Variants in NANP observed in about 807,000 individuals in gnomAD.
The protein encoded by NANP is N-acylneuraminate-9-phosphatase.
Under a neutral mutation model 16.9 loss-of-function variants are expected in NANP, and 15 were observed. The observed-to-expected ratio is 0.89, with a 90% CI of 0.59 to 1.37. The LOEUF is 1.37. NANP is among the 40% of genes most tolerant of loss of function. NANP has a pLI of 0.00. For synonymous variants in NANP, 135 were observed against 112.6 expected, an observed-to-expected ratio of 1.20 and a Z score of -1.26; for missense variants, 290 against 303.5, an observed-to-expected ratio of 0.96 and a Z score of 0.33.
chr20:25,618,863 C>T (rs1227243294), intron 1 of NANP, among the ~76,000 whole-genome samples: 4 of 152,110 alleles, frequency 2.6e-5, no homozygotes, highest in South Asian at 2.1e-4. Context: ...GACCCCTTAA[C>T]GTGTATCCTG....
intron 1 of NANP, among the ~76,000 whole-genome samples, chr20:25,622,818 G>A (rs1378496502): frequency 2.6e-5 from 4 of 152,182 alleles, no homozygotes; most frequent in Non-Finnish European, 4.4e-5. Flanking sequence ...TAAATAGGAG[G>A]TAGAGACAAG....
intron 1 of NANP, among the ~76,000 whole-genome samples, chr20:25,619,427 G>C (rs1351704976): frequency 1.3e-5 from 2 of 151,598 alleles, no homozygotes; most frequent in South Asian, 2.1e-4. Flanking sequence ...TGGCTGAAAG[G>C]AAAATATTTT....
rs1021963564 is a variant in NANP at position 25,623,941 on chromosome 20, A to C, written c.8T>G (p.Leu3Arg). The C allele has an allele frequency of 3.1e-6, 5 of 1,612,732 alleles. No individual in the cohort carries two copies. The African/African-American group carries it at 6.7e-5, about 22-fold the overall frequency. Residue 3 changes from leucine (L) to arginine (R), a missense_variant, in exon 1 of 2, where the codon CTG (leucine) becomes CGG (arginine). Physicochemically the swap from Leu to Arg is moderately radical, Grantham distance 102. Coordinates refer to ENST00000304788, the MANE Select transcript of NANP (RefSeq NM_152667.3). MG[L>R]SRVRAVFFDL... ...AAAGAAAACCGCCCGCACGCGGCTC[A>C]GCCCCATAGCGCCGGCCGCTGGCGC...
rs1416834697 is a variant in NANP at position 25,623,708 on chromosome 20, C to A, written c.90+151G>T. 9.7e-6 allele frequency: 7 copies of A among 718,896 alleles called. No individual in the cohort carries two copies. In the East Asian group the frequency reaches 2.2e-4, roughly 23 times the overall value. 44.5% of individuals were successfully genotyped at this position (718,896 alleles called of 1,614,324 possible). ...ACCCGCAGGGCCCGCGCGCCTCCAG[C>A]CACCTCCGCACCCGCACGCTCCACA... On this transcript the variant is annotated intron_variant, in intron 1 of 1. Coordinates refer to ENST00000304788, the MANE Select transcript of NANP (RefSeq NM_152667.3).
chr20:25,615,876 TAC>T lies in NANP; in HGVS notation c.*47_*48del. On this transcript the variant is annotated 3_prime_UTR_variant, in exon 2 of 2. Transcript: ENST00000304788. ...GAGTGCCCTAACTTTTCTTATTTCA[TAC>T]TCAGCAAATTGATTCTAACATTCAT... 1 of 1,520,128 alleles carries T rather than the reference TAC, an allele frequency of 6.6e-7. No individual in the cohort carries two copies. The highest frequency in any genetic ancestry group is 1.3e-5 in the South Asian group (1 of 76,462). 94.2% of individuals were successfully genotyped at this position (1,520,128 alleles called of 1,614,324 possible). A position where few individuals can be genotyped will look rare whatever the true frequency, so the allele number is the denominator to read the frequency against.
At chr20:25,621,007 G>T (rs2065362613) in intron 1 of NANP, among the ~76,000 whole-genome samples, 1 of 152,138 alleles carries the variant, frequency 6.6e-6, no homozygotes, top group Non-Finnish European at 1.5e-5. Context: ...CTGGCTCCGG[G>T]TCTCATCTTC....
At chr20:25,617,442 C>A (rs1030422752) in intron 1 of NANP, among the ~76,000 whole-genome samples, 4 of 152,144 alleles carry the variant, frequency 2.6e-5, no homozygotes, top group Non-Finnish European at 5.9e-5. Flanking sequence ...GAACTCCTGA[C>A]CTCAAGTGAT....
intron 1 of NANP, among the ~76,000 whole-genome samples, chr20:25,620,402 A>G (rs1422166768): frequency 6.6e-6 from 1 of 152,210 alleles, no homozygotes; most frequent in African/African-American, 2.4e-5. Context: ...CACCCACTTC[A>G]AAACTCTATT....
In NANP at chr20:25,616,374, A is replaced by G; in HGVS notation, c.298T>C (p.Trp100Arg). 1.9e-6 allele frequency: 3 copies of G among 1,613,062 alleles called. No individual in the cohort carries two copies. The highest frequency in any genetic ancestry group is 2.5e-6 in the Non-Finnish European group (3 of 1,179,616). ...ATATGCTGTAAACGTGTAGATTTCCAAAGGAAATAACATTCTTCAGCCAAT... is the reference window on the plus strand; with the variant it reads ...ATATGCTGTAAACGTGTAGATTTCCGAAGGAAATAACATTCTTCAGCCAAT... ...RKLAEECYFLWKSTRLQHMTL... is the reference protein window; with the variant it reads ...RKLAEECYFLRKSTRLQHMTL... The change falls in exon 2 of 2, where the codon TGG becomes CGG. Residue 100 changes from tryptophan (W) to arginine (R), a missense_variant. Transcript: ENST00000304788.
rs1176040765 is a variant in NANP, at chr20:25,614,033, T to C, written c.*1892A>G. The C allele has an allele frequency of 7.6e-6, 3 of 392,810 alleles. No homozygotes were observed. The highest frequency in any genetic ancestry group is 8.9e-5 in the Admixed American group (2 of 22,572). 24.3% of individuals were successfully genotyped at this position (392,810 alleles called of 1,614,324 possible). A position where few individuals can be genotyped will look rare whatever the true frequency, so the allele number is the denominator to read the frequency against. On this transcript the variant is annotated 3_prime_UTR_variant, in exon 2 of 2. Transcript: ENST00000304788. The stretch of plus-strand genomic sequence containing the variant: ...GATCAAGGTCATATGGGTACTGCAT[T>C]TGAAACTACAAACATCCTCTGTTCA...
In NANP at chr20:25,615,936, T is replaced by C; in HGVS notation, c.736A>G (p.Met246Val). The C allele has an allele frequency of 6.2e-7, 1 of 1,610,892 alleles. No homozygotes were observed. The highest frequency in any genetic ancestry group is 1.1e-5 in the South Asian group (1 of 90,608). The change falls in exon 2 of 2, where the codon ATG becomes GTG. Residue 246 changes from methionine (M) to valine (V), a missense_variant. Physicochemically the swap from Met to Val is conservative, Grantham distance 21. Coordinates refer to ENST00000304788, the MANE Select transcript of NANP (RefSeq NM_152667.3). The stretch of plus-strand genomic sequence containing the variant: ...CCCTTTTATGTGCTTTAAGTGGACA[T>C]ACTGACTTTGCAGTCTATACTTTGT... ...LLQSIDCKVS[M>V]ST
chr20:25,620,199 T>A (rs6138616), intron 1 of NANP, among the ~76,000 whole-genome samples: 23,943 of 152,000 alleles, frequency 0.16, 2,151 homozygotes, highest in East Asian at 0.35. Flanking sequence ...AAAATGGGAG[T>A]ATTGATTGAA....
At chr20:25,621,373 C>A (rs1270488396) in intron 1 of NANP, among the ~76,000 whole-genome samples, 1 of 152,128 alleles carries the variant, frequency 6.6e-6, no homozygotes, top group African/African-American at 2.4e-5. Flanking sequence ...AAACTCCAGG[C>A]TTCTGTAGAA....
chr20:25,622,670 T>C (rs1289885390), intron 1 of NANP, among the ~76,000 whole-genome samples: 2 of 152,228 alleles, frequency 1.3e-5, no homozygotes, highest in Non-Finnish European at 2.9e-5. Flanking sequence ...GTTAAAAGTG[T>C]GGAATGCCTC....
chr20:25,613,869 A>T lies in NANP; in HGVS notation c.*2056T>A. The stretch of plus-strand genomic sequence containing the variant: ...CTTCACTCTCAGCATAATGAATGTG[A>T]CACTGCCTACATCCATCCTGTGGGA... On this transcript the variant is annotated 3_prime_UTR_variant, in exon 2 of 2. Transcript: ENST00000304788. 1 of 398,618 alleles carries T rather than the reference A, an allele frequency of 2.5e-6. No homozygotes were observed. The highest frequency in any genetic ancestry group is 4.4e-6 in the Non-Finnish European group (1 of 226,044). 24.7% of individuals were successfully genotyped at this position (398,618 alleles called of 1,614,324 possible).
At chr20:25,618,283 A>G (rs2065351483) in intron 1 of NANP, among the ~76,000 whole-genome samples, 1 of 152,180 alleles carries the variant, frequency 6.6e-6, no homozygotes, top group African/African-American at 2.4e-5. Flanking sequence ...TGGCAGAGGA[A>G]GTCACATTGA....
intron 1 of NANP, among the ~76,000 whole-genome samples, chr20:25,620,194 G>T (rs1185833900): frequency 6.6e-6 from 1 of 152,176 alleles, no homozygotes; most frequent in African/African-American, 2.4e-5. Flanking sequence ...CACTGAAAAT[G>T]GGAGTATTGA....
chr20:25,623,427 A>T (rs1264849011), intron 1 of NANP, among the ~76,000 whole-genome samples: 1 of 152,140 alleles, frequency 6.6e-6, no homozygotes, highest in Non-Finnish European at 1.5e-5. Context: ...TAACTCTACC[A>T]TGTCTCCTCC....
chr20:25,619,255 C>G (rs985701501), intron 1 of NANP, among the ~76,000 whole-genome samples: 1 of 151,502 alleles, frequency 6.6e-6, no homozygotes, highest in Non-Finnish European at 1.5e-5. Flanking sequence ...CCCCGAATAG[C>G]TAGAACTACA....
Sources: allele counts gnomAD v4.1 joint callset (sites outside exome capture counted in the v4.1 genomes callset), GRCh38; gene constraint gnomAD v4.1.1; transcripts MANE v1.5; gene names NCBI Gene and HGNC (gene_info 2026-07-23, HGNC 2026-07-21).